Variants in RMDN2 observed in about 807,000 individuals in gnomAD.
RMDN2 encodes regulator of microtubule dynamics 2, also known as regulator of microtubule dynamics protein 2.
In RMDN2, 61 loss-of-function variants were observed where a neutral mutation model predicts 52.8. That is an observed-to-expected ratio of 1.16 (90% CI 0.94 to 1.43). The LOEUF is 1.43. RMDN2 is among the 40% of genes most tolerant of loss of function. RMDN2 has a pLI of 0.00. For missense variants in RMDN2, 592 were observed against 475.3 expected (o/e 1.25, Z -2.28); for synonymous variants, 180 against 153.1 (o/e 1.18, Z -1.30).
intron 2 of RMDN2, among the ~76,000 whole-genome samples, chr2:37,940,790 C>G (rs918797498): frequency 6.6e-6 from 1 of 152,192 alleles, no homozygotes; most frequent in Admixed American, 6.5e-5. Flanking sequence ...AGCAATTTCT[C>G]TAACCTTTTA....
At chr2:37,941,023 G>A (rs1341876088) in intron 2 of RMDN2, among the ~76,000 whole-genome samples, 1 of 152,164 alleles carries the variant, frequency 6.6e-6, no homozygotes, top group Admixed American at 6.5e-5. Context: ...CCTCATCTTC[G>A]TGTATTTATT....
intron 2 of RMDN2, among the ~76,000 whole-genome samples, chr2:37,938,885 C>T (rs1348339380): frequency 2.6e-5 from 4 of 152,062 alleles, no homozygotes; most frequent in African/African-American, 7.2e-5. Context: ...GTTTTTTGAT[C>T]TCTATCTCCT....
intron 2 of RMDN2, among the ~76,000 whole-genome samples, chr2:37,934,083 A>G (rs1667090262): frequency 1.3e-5 from 2 of 152,200 alleles, no homozygotes; most frequent in Admixed American, 1.3e-4. Context: ...TGACAGTTAC[A>G]TGTTCCATAT....
At chr2:38,046,992 C>CA (rs1201135147) in intron 10 of RMDN2, among the ~76,000 whole-genome samples, 2 of 150,882 alleles carry the variant, frequency 1.3e-5, no homozygotes, top group African/African-American at 4.9e-5. Context: ...TGAAAAAAAA[C>CA]AAAAAAGAGC....
chr2:37,923,457 TG>T (rs1316645149), upstream of RMDN2: 1 of 152,220 alleles, frequency 6.6e-6, no homozygotes, highest in African/African-American at 2.4e-5. Flanking sequence ...AACAACTCAG[TG>T]GGCTCCTGGA....
At chr2:37,964,296 T>C (rs186896535) in intron 2 of RMDN2, among the ~76,000 whole-genome samples, 30 of 152,372 alleles carry the variant, frequency 2.0e-4, no homozygotes, top group African/African-American at 7.0e-4. Flanking sequence ...AAATCTTCCT[T>C]CTTTTAATGT....
intron 4 of RMDN2, chr2:37,976,242 AATAG>A (rs1226846335): frequency 1.3e-5 from 2 of 152,242 alleles, no homozygotes; most frequent in Non-Finnish European, 1.5e-5. Context: ...AGAACAACTA[AATAG>A]ATAGAATATC....
At position 38,004,177 on chromosome 2, in the gene RMDN2, C is replaced by G. The variant is rs766188567; in HGVS notation, c.1140C>G (p.Phe380Leu). 9.9e-6 allele frequency: 16 copies of G among 1,613,758 alleles called. No homozygotes were observed. Among genetic ancestry groups the G allele is most frequent in the Admixed American group, 3.3e-5 (2 of 60,020 alleles). Residue 380 changes from phenylalanine (F) to leucine (L), a missense_variant, in exon 10 of 11, where the codon TTC becomes TTG. Physicochemically the swap from Phe to Leu is conservative, Grantham distance 22. Coordinates refer to ENST00000354545, the MANE Select transcript of RMDN2 (RefSeq NM_001170791.3). ...AGGAAAACCAGAATGCTTTGAAGTT[C>G]TGTAATTTGGCTTTATTGCTTCCTA... ...DLEENQNALK[F>L]CNLALLLPTV...
chr2:38,025,661 T>G (rs995706194), intron 10 of RMDN2, among the ~76,000 whole-genome samples: 40 of 152,214 alleles, frequency 2.6e-4, no homozygotes, highest in African/African-American at 9.1e-4. Flanking sequence ...CTTATTTTGC[T>G]GAGTTTTTTT....
intron 10 of RMDN2, among the ~76,000 whole-genome samples, chr2:38,039,669 C>T (rs1217643973): frequency 6.6e-6 from 1 of 152,134 alleles, no homozygotes; most frequent in African/African-American, 2.4e-5. Flanking sequence ...AGAAAATCAC[C>T]CAGTGTCTGA....
intron 2 of RMDN2, chr2:37,951,835 C>G: frequency 6.2e-7 from 1 of 1,613,656 alleles, no homozygotes; most frequent in Non-Finnish European, 8.5e-7. Flanking sequence ...GATACAGCCT[C>G]CTATCAACAA....
At chr2:37,943,354 C>T (rs571974866) in intron 2 of RMDN2, among the ~76,000 whole-genome samples, 1 of 152,192 alleles carries the variant, frequency 6.6e-6, no homozygotes, top group Non-Finnish European at 1.5e-5. Flanking sequence ...CAAGAGAGGA[C>T]AAGATTTCCA....
At chr2:37,932,827 A>G (rs1572684183) in intron 2 of RMDN2, among the ~76,000 whole-genome samples, 1 of 87,734 alleles carries the variant, frequency 1.1e-5, no homozygotes, top group African/African-American at 4.5e-5. Context: ...TGACCCCCCG[A>G]CCTCCCTCCC....
chr2:37,961,074 GCTTCC>G (rs911392022), intron 2 of RMDN2, among the ~76,000 whole-genome samples: 6 of 152,100 alleles, frequency 3.9e-5, no homozygotes, highest in African/African-American at 1.4e-4. Context: ...AGTCTGATGG[GCTTCC>G]CTTTGTTGGT....
At position 37,940,365 on chromosome 2, in the gene RMDN2, G is replaced by T. The variant is rs1237390426; in HGVS notation, c.452+10636G>T. On this transcript the variant is annotated intron_variant, in intron 2 of 10. Coordinates refer to ENST00000354545, the MANE Select transcript of RMDN2 (RefSeq NM_001170791.3). ...GAATCTGACAATTATGTGTTTTGGGGTTTCCCTTCTCGAGGAGTAGCTTTG... is the reference window on the plus strand; with the variant it reads ...GAATCTGACAATTATGTGTTTTGGGTTTTCCCTTCTCGAGGAGTAGCTTTG... 2.0e-5 allele frequency among the ~76,000 whole-genome samples: 3 copies of T among 152,028 alleles called. No individual in the cohort carries two copies. In the East Asian group the frequency reaches 5.8e-4, roughly 29 times the overall value.
chr2:38,044,391 G>A (rs926998390), intron 10 of RMDN2, among the ~76,000 whole-genome samples: 2 of 151,488 alleles, frequency 1.3e-5, no homozygotes, highest in Non-Finnish European at 2.9e-5. Context: ...GTTTTCTCTG[G>A]GCTTCCTAGA....
chr2:37,952,086 G>A (rs1339429290), intron 2 of RMDN2: 3 of 1,612,958 alleles, frequency 1.9e-6, no homozygotes, highest in East Asian at 4.5e-5. Flanking sequence ...TAAAAATTCT[G>A]GTTGCTTTAT....
intron 2 of RMDN2, among the ~76,000 whole-genome samples, chr2:37,945,568 A>C (rs1237482342): frequency 6.6e-6 from 1 of 152,218 alleles, no homozygotes; most frequent in Non-Finnish European, 1.5e-5. Flanking sequence ...TGCCTAGTAC[A>C]AATAGATACA....
At chr2:38,002,099 C>T (rs1676399364) in intron 8 of RMDN2, among the ~76,000 whole-genome samples, 1 of 152,180 alleles carries the variant, frequency 6.6e-6, no homozygotes, top group African/African-American at 2.4e-5. Context: ...TTCTAGAACC[C>T]TTCTCTTTTG....
Sources: allele counts gnomAD v4.1 joint callset (sites outside exome capture counted in the v4.1 genomes callset), GRCh38; gene constraint gnomAD v4.1.1; transcripts MANE v1.5; gene names NCBI Gene and HGNC (gene_info 2026-07-23, HGNC 2026-07-21).